Variants in C8orf34 observed in about 807,000 individuals in gnomAD.
C8orf34 encodes chromosome 8 open reading frame 34, also known as uncharacterized protein C8orf34.
A neutral mutation model predicts 68.3 loss-of-function variants in C8orf34; 65 were observed. That is an observed-to-expected ratio of 0.95 (90% CI 0.78 to 1.17). The LOEUF is 1.17. C8orf34 is among the 50% of genes most tolerant of loss of function. The probability of loss-of-function intolerance (pLI) is 0.00; values close to 1 mark genes in which losing one functional copy is unlikely to be tolerated. For missense variants in C8orf34, 664 were observed against 655.4 expected, an observed-to-expected ratio of 1.01 and a Z score of -0.14; for synonymous variants, 244 against 241.2, an observed-to-expected ratio of 1.01 and a Z score of -0.11.
intron 4 of C8orf34, 124 bp from the exon 5 acceptor site, chr8:68,487,899 A>T (rs905579357): frequency 1.6e-6 from 1 of 610,582 alleles, no homozygotes; most frequent in African/African-American, 1.9e-5. Flanking sequence ...TTGAAGCACT[A>T]ATAAAAAGAA....
intron 4 of C8orf34, 99 bp downstream of exon 4, chr8:68,468,919 C>G: frequency 7.6e-7 from 1 of 1,312,184 alleles, no homozygotes; most frequent in South Asian, 1.4e-5. Flanking sequence ...CATCCTCATT[C>G]TAATTCTGCA....
intron 3 of C8orf34, among the ~76,000 whole-genome samples, chr8:68,464,506 A>T (rs947344631): frequency 6.6e-6 from 1 of 151,960 alleles, no homozygotes; most frequent in East Asian, 1.9e-4. Flanking sequence ...ATCCTAAGCC[A>T]AAAGAACAAA....
chr8:68,471,880 T>G (rs1451093098), intron 4 of C8orf34, among the ~76,000 whole-genome samples: 1 of 151,600 alleles, frequency 6.6e-6, no homozygotes, highest in African/African-American at 2.4e-5. Context: ...CTCAAAATGA[T>G]AGTTATTTCA....
At chr8:68,816,707 A>G (rs890993925) in intron 13 of C8orf34, among the ~76,000 whole-genome samples, 2 of 152,300 alleles carry the variant, frequency 1.3e-5, no homozygotes, top group Admixed American at 1.3e-4. Context: ...GCATTAGGAC[A>G]TTATCTAAAT....
rs1367744609 is a variant in C8orf34 at position 68,613,936 on chromosome 8, T to A, written c.1106-26440T>A. Among the ~76,000 whole-genome samples the A allele has an allele frequency of 6.6e-5, 10 of 152,282 alleles. No homozygotes were observed. The East Asian group carries it at 1.7e-3, about 26-fold the overall frequency. On this transcript the variant is annotated intron_variant, in intron 7 of 13. Coordinates refer to ENST00000518698, the MANE Select transcript of C8orf34 (RefSeq NM_052958.4). Reference sequence around the variant, plus strand: ...GTAGAAGTGTTCCTATTTCTCCACATCCTCTCCAGCACCTGTTGTTTCCTG... The same window carrying A: ...GTAGAAGTGTTCCTATTTCTCCACAACCTCTCCAGCACCTGTTGTTTCCTG...
chr8:68,376,960 G>A (rs960629670), intron 1 of C8orf34, among the ~76,000 whole-genome samples: 9 of 152,184 alleles, frequency 5.9e-5, no homozygotes, highest in African/African-American at 2.2e-4. Context: ...GGATCTCAGA[G>A]TTCCAAATTT....
At chr8:68,530,600 G>C in intron 6 of C8orf34, 1 of 1,258,106 alleles carries the variant, frequency 7.9e-7, no homozygotes, top group Non-Finnish European at 1.0e-6. Flanking sequence ...CAGTTTAGAA[G>C]ACACGTAATG....
chr8:68,738,204 G>C (rs1247862601), intron 10 of C8orf34, among the ~76,000 whole-genome samples: 1 of 151,940 alleles, frequency 6.6e-6, no homozygotes, highest in East Asian at 1.9e-4. Context: ...ATGACTTTTG[G>C]GTAAATAATG....
rs1201276100 is a variant in C8orf34 at position 68,396,247 on chromosome 8, G to A, written c.328-43252G>A. Among the ~76,000 whole-genome samples, 3 of 151,894 alleles carry A rather than the reference G, an allele frequency of 2.0e-5. No homozygotes were observed. The East Asian group carries it at 5.8e-4, about 29-fold the overall frequency. On this transcript the variant is annotated intron_variant, in intron 1 of 13. Coordinates refer to ENST00000518698, the MANE Select transcript of C8orf34 (RefSeq NM_052958.4). ...ATACGATTTTAAAAAATGGCTAAAT[G>A]CTTGTTTATTGAACTTACCAGCATG...
In C8orf34 at chr8:68,422,781, CCTGGACATCCAGGCCCTTCCATACCTCCT is replaced by C. The variant is rs1271965742; in HGVS notation, c.328-16714_328-16686del. On this transcript the variant is annotated intron_variant, in intron 1 of 13. Coordinates refer to ENST00000518698, the MANE Select transcript of C8orf34 (RefSeq NM_052958.4). ...CCTCTGCTACTGCAGCAAACTTCTG[CCTGGACATCCAGGCCCTTCCATACCTCCT>C]CTGAAATCTGGGCAGAGGTTCCCAA... Among the ~76,000 whole-genome samples, 3 of 152,338 alleles carry C rather than the reference CCTGGACATCCAGGCCCTTCCATACCTCCT, an allele frequency of 2.0e-5. No homozygotes were observed. In the East Asian group the frequency reaches 5.8e-4, roughly 29 times the overall value.
chr8:68,576,332 A>G (rs1161714595), intron 7 of C8orf34, among the ~76,000 whole-genome samples: 1 of 151,768 alleles, frequency 6.6e-6, no homozygotes. Context: ...GGAATAAAAC[A>G]CAAACAATAA....
chr8:68,579,869 T>A (rs1000590550), intron 7 of C8orf34, among the ~76,000 whole-genome samples: 1 of 152,170 alleles, frequency 6.6e-6, no homozygotes, highest in South Asian at 2.1e-4. Flanking sequence ...TCTTTCTTGA[T>A]CTCAGACTGC....
At chr8:68,442,821 A>G (rs1810967543) in intron 2 of C8orf34, among the ~76,000 whole-genome samples, 1 of 152,168 alleles carries the variant, frequency 6.6e-6, no homozygotes. Context: ...GTCTAAGAAT[A>G]AAGAGGTCAC....
intron 6 of C8orf34, among the ~76,000 whole-genome samples, chr8:68,528,140 G>T (rs935751544): frequency 6.6e-6 from 1 of 152,074 alleles, no homozygotes; most frequent in African/African-American, 2.4e-5. Flanking sequence ...TGCTGCATTG[G>T]TTAAGTCAGC....
intron 11 of C8orf34, 61 bp from the exon 12 acceptor site, chr8:68,787,382 C>T: frequency 2.7e-6 from 3 of 1,096,732 alleles, no homozygotes; most frequent in Non-Finnish European, 4.0e-6. Context: ...AGTGATTATC[C>T]ACATTAATGT....
At position 68,403,424 on chromosome 8, in the gene C8orf34, G is replaced by A. The variant is rs183596378; in HGVS notation, c.328-36075G>A. Among the ~76,000 whole-genome samples, 24 of 152,176 alleles carry A rather than the reference G, an allele frequency of 1.6e-4. 1 individual carries two copies. The highest frequency in any genetic ancestry group is 8.5e-4 in the Admixed American group (13 of 15,264). On this transcript the variant is annotated intron_variant, in intron 1 of 13. Transcript: ENST00000518698. ...TTATAGTTTAAGTTCTGGGGTACAC[G>A]TGCAAAACGTGCAGGTTTGTTACAT...
rs150961358 is a variant in C8orf34 at position 68,343,363 on chromosome 8, A to G, written c.327+12024A>G. 3.5e-3 allele frequency among the ~76,000 whole-genome samples: 537 copies of G among 152,290 alleles called. 10 individuals carry two copies. The highest frequency in any genetic ancestry group is 4.2e-3 in the Non-Finnish European group (289 of 68,022). ...AATCACTCGTGCTTTGCAGGTGAGA[A>G]TATAAAATGGTCCAATCACTCTGGA... On this transcript the variant is annotated intron_variant, in intron 1 of 13. Coordinates refer to ENST00000518698, the MANE Select transcript of C8orf34 (RefSeq NM_052958.4).
rs940629749 is a variant in C8orf34, at chr8:68,793,311, A to C, written c.1549+5775A>C. Among the ~76,000 whole-genome samples, 3 of 152,290 alleles carry C rather than the reference A, an allele frequency of 2.0e-5. No homozygotes were observed. The East Asian group carries it at 5.8e-4, about 29-fold the overall frequency. The stretch of plus-strand genomic sequence containing the variant: ...TGAGAGTAAATCTTGTGCCCAGAGA[A>C]ACTACTGTGTATGAGTGATCACTAC... On this transcript the variant is annotated intron_variant, in intron 12 of 13. Transcript: ENST00000518698.
chr8:68,653,408 A>G (rs1044031235), intron 8 of C8orf34, among the ~76,000 whole-genome samples: 4 of 152,178 alleles, frequency 2.6e-5, no homozygotes, highest in African/African-American at 9.7e-5. Context: ...GTTTACCTTC[A>G]ATTTGAGACC....
Sources: gnomAD v4.1 joint callset for allele counts (sites outside exome capture counted in the v4.1 genomes callset) on GRCh38, gnomAD v4.1.1 for gene constraint, MANE v1.5 for transcripts, NCBI Gene and HGNC (gene_info 2026-07-23, HGNC 2026-07-21) for gene names.